LGALS8: variants seen among roughly 807,000 people sequenced by gnomAD.
LGALS8 encodes galectin 8.
Under a neutral mutation model 35.9 loss-of-function variants are expected in LGALS8, and 30 were observed. The observed-to-expected ratio is 0.83, with a 90% CI of 0.62 to 1.13. The LOEUF (loss-of-function observed/expected upper bound fraction) is 1.13, where lower values mean the gene tolerates loss of function less well. Among genes scored for constraint, LGALS8 ranks in the 50% most tolerant of loss-of-function variants. The pLI, the probability that LGALS8 is intolerant of heterozygous loss-of-function variation, is 0.00. For synonymous variants in LGALS8, 138 were observed against 136.1 expected (o/e 1.01, Z -0.10); for missense variants, 366 against 388.7 (o/e 0.94, Z 0.49).
chr1:236,539,208 C>T, intron 4 of LGALS8, 119 bp downstream of exon 4: 1 of 836,710 alleles, frequency 1.2e-6, no homozygotes, highest in Non-Finnish European at 1.9e-6. Context: ...GTTTGTTTGG[C>T]TTTGTAGTTT....
chr1:236,546,139 A>G (rs2794784), intron 9 of LGALS8, among the ~76,000 whole-genome samples: 92,963 of 152,130 alleles, frequency 0.61, 29,304 homozygotes, highest in Non-Finnish European at 0.69. Flanking sequence ...CTCCAACTTC[A>G]TAATTCAAAC....
At chr1:236,531,033 G>A (rs1212494652) in intron 2 of LGALS8, among the ~76,000 whole-genome samples, 3 of 152,042 alleles carry the variant, frequency 2.0e-5, no homozygotes, top group African/African-American at 4.8e-5. Flanking sequence ...GCATTTTACC[G>A]TATAAACTGT....
rs747401038 is a variant in LGALS8, at chr1:236,526,128, T to C, written c.45+13T>C. The C allele has an allele frequency of 4.4e-6, 7 of 1,582,336 alleles. No individual in the cohort carries two copies. Among genetic ancestry groups the C allele is most frequent in the Non-Finnish European group, 6.1e-6 (7 of 1,151,874 alleles). On this transcript the variant is annotated intron_variant, in intron 2 of 9. Coordinates refer to ENST00000366584, the MANE Select transcript of LGALS8 (RefSeq NM_201544.4). The surrounding 1 kb of genome is among the most constrained non-coding windows in gnomAD (Gnocchi z 4.6). ...CATCTATAACCCGGTAACTGATTTC[T>C]ATAAGATAACTTTTTACCTATGCCA...
At position 236,541,661 on chromosome 1, in the gene LGALS8, A is replaced by C. The variant is rs780757870; in HGVS notation, c.473A>C (p.Gln158Pro). The stretch of plus-strand genomic sequence containing the variant: ...TTTATTATCTTTTCTCAGGACTTAC[A>C]AAGTACCCAAGCATCTAGTCTGGAA... ...SIGFSFSSDL[Q>P]STQASSLELT... Residue 158 changes from glutamine (Q) to proline (P), a missense_variant, in exon 6 of 10, where the codon CAA becomes CCA. Gln to Pro is a moderately conservative substitution (Grantham distance 76, BLOSUM62 -1). Transcript: ENST00000366584. The C allele has an allele frequency of 6.6e-7, 1 of 1,507,550 alleles. No homozygotes were observed. The highest frequency in any genetic ancestry group is 1.3e-5 in the South Asian group (1 of 79,468). The allele number at this position is 1,507,550 out of a possible 1,614,324, so 93.4% of individuals were successfully genotyped here.
intron 2 of LGALS8, among the ~76,000 whole-genome samples, chr1:236,530,107 G>T (rs1013577425): frequency 6.6e-6 from 1 of 152,178 alleles, no homozygotes; most frequent in Non-Finnish European, 1.5e-5. Flanking sequence ...CTTAAGATAT[G>T]ATTAAATGCT....
Position 236,541,669 on chromosome 1 carries a change from C to A in LGALS8, c.481C>A (p.Gln161Lys). The change falls in exon 6 of 10, where the codon CAA (glutamine) becomes AAA (lysine). Residue 161 changes from glutamine to lysine, a missense_variant. By Grantham distance (53) the Gln-to-Lys change is moderately conservative (BLOSUM62 1). Coordinates refer to ENST00000366584, the MANE Select transcript of LGALS8 (RefSeq NM_201544.4). ...CTTTTCTCAGGACTTACAAAGTACC[C>A]AAGCATCTAGTCTGGAACTGACAGA... The part of the protein sequence containing the change: ...FSFSSDLQST[Q>K]ASSLELTEIS... 2 of 1,518,468 alleles carry A rather than the reference C, an allele frequency of 1.3e-6. No individual in the cohort carries two copies. 94.1% of individuals were successfully genotyped at this position (1,518,468 alleles called of 1,614,324 possible). A position where few individuals can be genotyped will look rare whatever the true frequency, so the allele number is the denominator to read the frequency against.
intron 9 of LGALS8, among the ~76,000 whole-genome samples, chr1:236,546,859 A>T (rs79122242): frequency 0.015 from 2,272 of 152,300 alleles, 55 homozygotes; most frequent in African/African-American, 0.053. Context: ...GATTCCCACC[A>T]TTCTTGTGGG....
chr1:236,546,557 C>T (rs530066534), intron 9 of LGALS8, among the ~76,000 whole-genome samples: 4 of 149,618 alleles, frequency 2.7e-5, no homozygotes, highest in African/African-American at 7.4e-5. Flanking sequence ...TCCAGCTGTT[C>T]GGCAGCATCA....
At chr1:236,542,964 A>T (rs1467084859) in intron 7 of LGALS8, 177 bp downstream of exon 7, 2 of 1,614,176 alleles carry the variant, frequency 1.2e-6, no homozygotes, top group Non-Finnish European at 1.7e-6. Context: ...AGAACTGTCT[A>T]CACCAAGAGC....
rs1288745516 is a variant in LGALS8, at chr1:236,550,293, T to C, written c.*2132T>C. 1 of 152,120 alleles carries C rather than the reference T, an allele frequency of 6.6e-6. No homozygotes were observed. Among genetic ancestry groups the C allele is most frequent in the Non-Finnish European group, 1.5e-5 (1 of 68,042 alleles). The allele number at this position is 152,120 out of a possible 1,614,324, so 9.4% of individuals were successfully genotyped here. A position where few individuals can be genotyped will look rare whatever the true frequency, so the allele number is the denominator to read the frequency against. On this transcript the variant is annotated 3_prime_UTR_variant, in exon 10 of 10. Transcript: ENST00000366584. ...AGAAGCAGCGTGTTGCCTTCATCTC[T>C]CCCGTTTCCCAAAAGAACAAAGGAT...
chr1:236,545,206 G>A (rs1012250262), intron 9 of LGALS8: 1 of 228,446 alleles, frequency 4.4e-6, no homozygotes, highest in Non-Finnish European at 8.6e-6. Flanking sequence ...TCTCAGGACT[G>A]GAGTCACACA....
intron 5 of LGALS8, 157 bp from the exon 6 acceptor site, chr1:236,541,497 G>C (rs1324728699): frequency 5.9e-6 from 3 of 507,450 alleles, no homozygotes; most frequent in Non-Finnish European, 1.0e-5. Context: ...CAATCTGATG[G>C]GGGGCGGAAA....
Position 236,543,638 on chromosome 1 carries a change from A to G in LGALS8, c.628A>G (p.Asn210Asp). The change falls in exon 8 of 10, where the codon AAT (asparagine) becomes GAT (aspartate). Residue 210 changes from asparagine to aspartate, a missense_variant. Asn to Asp is a conservative substitution (Grantham distance 23). Coordinates refer to ENST00000366584, the MANE Select transcript of LGALS8 (RefSeq NM_201544.4). ...CGTCGTTAAAGGAGAAGTGAATGCA[A>G]ATGCCAAAAGGTCAGTATCCTTCGG... ...TVVVKGEVNA[N>D]AKSFNVDLLA... 2 of 1,613,316 alleles carry G rather than the reference A, an allele frequency of 1.2e-6. No homozygotes were observed. The highest frequency in any genetic ancestry group is 1.7e-6 in the Non-Finnish European group (2 of 1,179,244).
intron 3 of LGALS8, 62 bp from the exon 4 acceptor site, chr1:236,538,816 GT>G: frequency 8.7e-7 from 1 of 1,145,248 alleles, no homozygotes; most frequent in Non-Finnish European, 1.3e-6. Context: ...GTGCCTGCTG[GT>G]CCTTTACTGG....
chr1:236,548,950 C>A lies in LGALS8; in HGVS notation c.*789C>A. The stretch of plus-strand genomic sequence containing the variant: ...GATTTCTGTGTATTTGAACTTAGGG[C>A]AAATCAGAGTCTACACAGACGCCTA... On this transcript the variant is annotated 3_prime_UTR_variant, in exon 10 of 10. Coordinates refer to ENST00000366584, the MANE Select transcript of LGALS8 (RefSeq NM_201544.4). 2.5e-6 allele frequency: 1 copy of A among 398,294 alleles called. No individual in the cohort carries two copies. Among genetic ancestry groups the A allele is most frequent in the East Asian group, 3.6e-5 (1 of 28,050 alleles). 24.7% of individuals were successfully genotyped at this position (398,294 alleles called of 1,614,324 possible). A position where few individuals can be genotyped will look rare whatever the true frequency, so the allele number is the denominator to read the frequency against.
chr1:236,537,837 C>G (rs968065006), intron 3 of LGALS8, among the ~76,000 whole-genome samples: 2 of 151,362 alleles, frequency 1.3e-5, no homozygotes, highest in African/African-American at 4.9e-5. Flanking sequence ...GTGACTTAAA[C>G]ATACTTTTCC....
At position 236,538,911 on chromosome 1, in the gene LGALS8, T is replaced by C. The variant is rs747942463; in HGVS notation, c.167T>C (p.Met56Thr). 6.2e-7 allele frequency: 1 copy of C among 1,613,296 alleles called. No individual in the cohort carries two copies. The highest frequency in any genetic ancestry group is 2.2e-5 in the East Asian group (1 of 44,876). The change falls in exon 4 of 10, where the codon ATG (methionine) becomes ACG (threonine). Residue 56 changes from methionine to threonine, a missense_variant. Coordinates refer to ENST00000366584, the MANE Select transcript of LGALS8 (RefSeq NM_201544.4). ...GTGGATCTGCAGAATGGCAGCAGCA[T>C]GAAACCTCGAGCCGATGTGGCCTTT... ...FQVDLQNGSS[M>T]KPRADVAFHF...
At chr1:236,522,007 G>A (rs1213658576), upstream of LGALS8, among the ~76,000 whole-genome samples, 2 of 152,134 alleles carry the variant, frequency 1.3e-5, no homozygotes, top group African/African-American at 2.4e-5. Context: ...ATCTAGAAGG[G>A]CCCATGAGGT....
intron 8 of LGALS8, among the ~76,000 whole-genome samples, chr1:236,544,127 AT>A (rs1186687734): frequency 6.6e-6 from 1 of 151,748 alleles, no homozygotes; most frequent in African/African-American, 2.4e-5. Context: ...GAATTTTTGT[AT>A]TTTTAGTAGA....
Sources: allele counts gnomAD v4.1 joint callset (sites outside exome capture counted in the v4.1 genomes callset), GRCh38; gene constraint gnomAD v4.1.1; non-coding constraint Gnocchi (gnomAD v3.1); transcripts MANE v1.5; gene names NCBI Gene and HGNC (gene_info 2026-07-23, HGNC 2026-07-21).